PCNX2: variants seen among roughly 807,000 people sequenced by gnomAD.
PCNX2 encodes the protein pecanex-like protein 2.
A neutral mutation model predicts 223.8 loss-of-function variants in PCNX2; 168 were observed. The observed-to-expected ratio is 0.75, with a 90% CI of 0.66 to 0.85. The LOEUF (loss-of-function observed/expected upper bound fraction) is 0.85. Among genes scored for constraint, PCNX2 ranks in the 40% least tolerant of loss-of-function variants. The pLI, the probability that PCNX2 is intolerant of heterozygous loss-of-function variation, is 0.00. For missense variants in PCNX2, 2,507 were observed against 2,675.5 expected (o/e 0.94, Z 1.39); for synonymous variants, 1,006 against 1,052.6 (o/e 0.96, Z 0.86).
intron 21 of PCNX2, among the ~76,000 whole-genome samples, chr1:233,120,091 C>T (rs548737849): frequency 8.0e-4 from 112 of 139,518 alleles, no homozygotes; most frequent in Non-Finnish European, 1.5e-3. Context: ...CTCTTGAACC[C>T]GGGAGGCAGA....
chr1:233,216,532 G>A (rs954239465), intron 12 of PCNX2, among the ~76,000 whole-genome samples: 9 of 152,058 alleles, frequency 5.9e-5, no homozygotes, highest in African/African-American at 2.2e-4. Context: ...TAATCAAAAA[G>A]ACAAAAGATA....
intron 25 of PCNX2, among the ~76,000 whole-genome samples, chr1:233,053,261 A>G (rs1672071276): frequency 6.6e-6 from 1 of 151,956 alleles, no homozygotes; most frequent in South Asian, 2.1e-4. Flanking sequence ...GAGTCCTCCC[A>G]GATGCCAGGA....
chr1:233,280,753 T>C (rs1050717030), intron 1 of PCNX2, among the ~76,000 whole-genome samples: 1 of 152,230 alleles, frequency 6.6e-6, no homozygotes, highest in Non-Finnish European at 1.5e-5. Flanking sequence ...TAAATAAACA[T>C]TTATGATAGT....
intron 21 of PCNX2, among the ~76,000 whole-genome samples, chr1:233,122,066 T>C (rs1423020472): frequency 7.4e-6 from 1 of 135,648 alleles, no homozygotes; most frequent in Admixed American, 7.5e-5. Context: ...GACAGAAAGT[T>C]AGAAAGTACA....
At chr1:233,250,515 A>C in intron 8 of PCNX2, 2 of 954,336 alleles carry the variant, frequency 2.1e-6, no homozygotes, top group South Asian at 4.8e-5. Flanking sequence ...TACTACCTAC[A>C]TGTTATCTTC....
chr1:233,007,564 G>C (rs183624577), intron 28 of PCNX2, among the ~76,000 whole-genome samples: 1 of 152,062 alleles, frequency 6.6e-6, no homozygotes, highest in East Asian at 1.9e-4. Flanking sequence ...TTGAGACGGA[G>C]TCTCTCTCTG....
chr1:233,189,618 C>A (rs1005633463), intron 15 of PCNX2, among the ~76,000 whole-genome samples: 5 of 151,936 alleles, frequency 3.3e-5, no homozygotes, highest in African/African-American at 7.3e-5. Context: ...GATTTTAAAC[C>A]CTGAGTGCCT....
At chr1:233,182,338 T>G (rs1021103772) in intron 15 of PCNX2, among the ~76,000 whole-genome samples, 7 of 152,172 alleles carry the variant, frequency 4.6e-5, no homozygotes, top group African/African-American at 1.7e-4. Flanking sequence ...AATTTGCTTC[T>G]TCTTTCCATT....
At chr1:233,134,987 A>G in intron 21 of PCNX2, 26 bp downstream of exon 21, 1 of 1,554,674 alleles carries the variant, frequency 6.4e-7, no homozygotes, top group Non-Finnish European at 8.9e-7. Flanking sequence ...AAATGTTAAA[A>G]TGAAGAAAAT....
At chr1:233,111,481 T>G (rs1358646750) in intron 21 of PCNX2, among the ~76,000 whole-genome samples, 2 of 152,184 alleles carry the variant, frequency 1.3e-5, no homozygotes, top group African/African-American at 4.8e-5. Flanking sequence ...TAATCATGGC[T>G]CACTGCAGCC....
chr1:233,223,672 C>T (rs1379423023), intron 10 of PCNX2, among the ~76,000 whole-genome samples: 1 of 152,108 alleles, frequency 6.6e-6, no homozygotes. Flanking sequence ...TCCATGTGTT[C>T]TCATTGTTCA....
In PCNX2 at chr1:233,295,247, C is replaced by G. The variant is rs573816688; in HGVS notation, c.153+79G>C. The G allele has an allele frequency of 6.5e-7, 1 of 1,540,330 alleles. No homozygotes were observed. The highest frequency in any genetic ancestry group is 1.4e-5 in the African/African-American group (1 of 72,718). ...TCTACGAACCCGAAAGCCCGTGAGG[C>G]TGATGGCACGTCTGTGGTTCCTTTC... On this transcript the variant is annotated intron_variant, in intron 1 of 33. Coordinates refer to ENST00000258229, the MANE Select transcript of PCNX2 (RefSeq NM_014801.4). The surrounding 1 kb of genome is among the most constrained non-coding windows in gnomAD (Gnocchi z 4.1).
intron 8 of PCNX2, among the ~76,000 whole-genome samples, chr1:233,248,292 C>A (rs1229748001): frequency 2.6e-5 from 4 of 151,944 alleles, no homozygotes; most frequent in African/African-American, 9.7e-5. Context: ...CTCGGGGGAA[C>A]CTCGAATCCA....
At chr1:233,173,418 G>A (rs113625199) in intron 17 of PCNX2, among the ~76,000 whole-genome samples, 8,939 of 152,142 alleles carry the variant, frequency 0.059, 521 homozygotes, top group East Asian at 0.31. Context: ...CACCCGCCTC[G>A]GCCTCCGAAA....
intron 1 of PCNX2, among the ~76,000 whole-genome samples, chr1:233,274,567 CAAAGT>C (rs1660814720): frequency 1.3e-5 from 2 of 152,068 alleles, no homozygotes. Flanking sequence ...AGTAGAATTC[CAAAGT>C]AGAGTAGCAA....
At chr1:233,044,244 T>C (rs1392549346) in intron 25 of PCNX2, among the ~76,000 whole-genome samples, 1 of 152,214 alleles carries the variant, frequency 6.6e-6, no homozygotes, top group Non-Finnish European at 1.5e-5. Flanking sequence ...CGCCCACTTT[T>C]TGATGGGATT....
rs756496117 is a variant in PCNX2, at chr1:233,258,842, G to T, written c.1020C>A (p.Asp340Glu). 2 of 1,613,802 alleles carry T rather than the reference G, an allele frequency of 1.2e-6. No homozygotes were observed. Among genetic ancestry groups the T allele is most frequent in the African/African-American group, 1.3e-5 (1 of 74,908 alleles). ...AGTCCACTTCCTGGTGCAAGGGCAG[G>T]TCCCCCTGGCAGGAGGTATCTACCT... ...SCQVDTSCQG[D>E]LPLHQEVDSS... The change falls in exon 5 of 34, where the codon GAC (aspartate) becomes GAA (glutamate). Residue 340 changes from aspartate (D) to glutamate (E), a missense_variant. By Grantham distance (45) the Asp-to-Glu change is conservative. Transcript: ENST00000258229.
Position 233,208,538 on chromosome 1 carries a change from G to C in PCNX2, c.2843C>G (p.Ser948Ter). The C allele has an allele frequency of 6.2e-7, 1 of 1,613,714 alleles. No homozygotes were observed. Among genetic ancestry groups the C allele is most frequent in the South Asian group, 1.1e-5 (1 of 91,062 alleles). ...LKLFSPVFLQSARDYLIVFLY... is the reference protein window; with the variant it reads ...LKLFSPVFLQ ...CTCACCTATTAAGTAGTCCCTAGCT[G>C]ATTGTAGAAACACTGGAGAGAAGAG... The change falls in exon 13 of 34, where the codon TCA becomes TGA. Residue 948 changes from serine to a stop codon, truncating the protein, a stop_gained. Coordinates refer to ENST00000258229, the MANE Select transcript of PCNX2 (RefSeq NM_014801.4). LOFTEE classifies it high-confidence loss of function.
Position 232,986,545 on chromosome 1 carries a change from A to C in PCNX2, c.5792-5T>G. On this transcript the variant is annotated splice_polypyrimidine_tract_variant and splice_region_variant and intron_variant, in intron 32 of 33. Transcript: ENST00000258229. ...GGCTCCTGCCTTTCCTCCTGCCTTT[A>C]AAAGAAAGCAGAACACAGAGTTGTA... 1 of 1,512,256 alleles carries C rather than the reference A, an allele frequency of 6.6e-7. No homozygotes were observed. The highest frequency in any genetic ancestry group is 8.8e-7 in the Non-Finnish European group (1 of 1,131,022). 93.7% of individuals were successfully genotyped at this position (1,512,256 alleles called of 1,614,324 possible).
Sources: gnomAD v4.1 joint callset for allele counts (sites outside exome capture counted in the v4.1 genomes callset) on GRCh38, gnomAD v4.1.1 for gene constraint, Gnocchi (gnomAD v3.1) non-coding constraint, MANE v1.5 for transcripts, NCBI Gene and HGNC (gene_info 2026-07-23, HGNC 2026-07-21) for gene names.